Variants in METAP1 observed in about 807,000 individuals in gnomAD.
METAP1 encodes the protein methionyl aminopeptidase 1.
A neutral mutation model predicts 53.8 loss-of-function variants in METAP1; 28 were observed. The ratio of observed to expected loss-of-function variants is 0.52; its 90% CI spans 0.39 to 0.71. METAP1 has a LOEUF of 0.71. Among genes scored for constraint, METAP1 ranks in the 30% least tolerant of loss-of-function variants. The pLI is 0.00. For synonymous variants in METAP1, 181 were observed against 165.7 expected (o/e 1.09, Z -0.71); for missense variants, 389 against 479.8 (o/e 0.81, Z 1.77).
chr4:99,023,163 C>A, intron 1 of METAP1: 1 of 656,618 alleles, frequency 1.5e-6, no homozygotes, highest in South Asian at 1.9e-5. Flanking sequence ...GACCTAATTT[C>A]ATTACTTCTA....
At chr4:99,002,481 T>G (rs972607377) in intron 1 of METAP1, among the ~76,000 whole-genome samples, 1 of 152,192 alleles carries the variant, frequency 6.6e-6, no homozygotes, top group Non-Finnish European at 1.5e-5. Flanking sequence ...GCTCAACAAT[T>G]ATAAGTCTTT....
chr4:99,016,258 A>G (rs895743379), intron 1 of METAP1, among the ~76,000 whole-genome samples: 2 of 152,236 alleles, frequency 1.3e-5, no homozygotes, highest in African/African-American at 2.4e-5. Flanking sequence ...AAGGCAATCC[A>G]TATAACATTT....
At chr4:99,054,232 A>G (rs1726933682) in intron 9 of METAP1, among the ~76,000 whole-genome samples, 1 of 152,168 alleles carries the variant, frequency 6.6e-6, no homozygotes, top group African/African-American at 2.4e-5. Context: ...TTCATCAATT[A>G]TCTTAGCTAT....
intron 4 of METAP1, 144 bp downstream of exon 4, chr4:99,035,604 A>G (rs1458107374): frequency 3.3e-6 from 2 of 603,942 alleles, no homozygotes; most frequent in African/African-American, 3.7e-5. Flanking sequence ...AACATTGAAG[A>G]GAATTAAAGA....
intron 1 of METAP1, among the ~76,000 whole-genome samples, chr4:98,998,896 C>T (rs1043467768): frequency 6.6e-5 from 10 of 151,910 alleles, no homozygotes; most frequent in Non-Finnish European, 1.2e-4. Context: ...CCGCAACCTC[C>T]GCCTCCCAGG....
At chr4:99,056,030 A>G (rs1727092069) in intron 9 of METAP1, among the ~76,000 whole-genome samples, 1 of 152,226 alleles carries the variant, frequency 6.6e-6, no homozygotes, top group Non-Finnish European at 1.5e-5. Flanking sequence ...TACCTAAGAT[A>G]GTGGAAAGCA....
intron 3 of METAP1, among the ~76,000 whole-genome samples, chr4:99,035,102 A>G (rs1324226488): frequency 6.6e-6 from 1 of 152,202 alleles, no homozygotes; most frequent in Non-Finnish European, 1.5e-5. Flanking sequence ...ACTTTGAGAC[A>G]TCATTTTATT....
chr4:98,995,925 C>T (rs1427553410), intron 1 of METAP1, 58 bp downstream of exon 1: 33 of 1,357,094 alleles, frequency 2.4e-5, no homozygotes, highest in Non-Finnish European at 3.4e-5. Flanking sequence ...CTCGCTTCTC[C>T]CCTGCTGGCT....
chr4:99,039,425 T>C lies in METAP1; in HGVS notation c.392T>C (p.Leu131Pro), dbSNP rs765804889. ...ALKGTSQIKL[L>P]SSEDIEGMRL... ...AAAGGTACTTCTCAGATTAAATTACTCTCATCTGAAGATATAGAAGGGATG... is the reference window on the plus strand; with the variant it reads ...AAAGGTACTTCTCAGATTAAATTACCCTCATCTGAAGATATAGAAGGGATG... Residue 131 changes from leucine (L) to proline (P), a missense_variant, in exon 5 of 11, where the codon CTC becomes CCC. By Grantham distance (98) the Leu-to-Pro change is moderately conservative. Transcript: ENST00000296411. The C allele has an allele frequency of 1.9e-6, 3 of 1,611,356 alleles. No individual in the cohort carries two copies. The South Asian group carries it at 3.3e-5, about 18-fold the overall frequency.
chr4:99,036,367 T>C (rs943046652), intron 4 of METAP1, among the ~76,000 whole-genome samples: 2 of 152,118 alleles, frequency 1.3e-5, no homozygotes, highest in Non-Finnish European at 2.9e-5. Flanking sequence ...TGAGGATGTA[T>C]AATTTCATTA....
chr4:99,025,277 A>G, intron 1 of METAP1: 2 of 744,954 alleles, frequency 2.7e-6, no homozygotes, highest in Non-Finnish European at 3.3e-6. Flanking sequence ...GGAATGAACA[A>G]GGACAGCTTG....
chr4:99,014,149 G>A (rs1723625028), intron 1 of METAP1, among the ~76,000 whole-genome samples: 1 of 152,220 alleles, frequency 6.6e-6, no homozygotes, highest in Non-Finnish European at 1.5e-5. Context: ...TAGAGGAAGT[G>A]AGGATTGAGG....
chr4:99,026,369 C>T lies in METAP1; in HGVS notation c.115-2498C>T, dbSNP rs544985255. 27 of 985,434 alleles carry T rather than the reference C, an allele frequency of 2.7e-5. 1 individual carries two copies. In the South Asian group the frequency reaches 1.0e-3, roughly 38 times the overall value. 61.0% of individuals were successfully genotyped at this position (985,434 alleles called of 1,614,324 possible). A position where few individuals can be genotyped will look rare whatever the true frequency, so the allele number is the denominator to read the frequency against. On this transcript the variant is annotated intron_variant, in intron 1 of 10. Transcript: ENST00000296411. Reference sequence around the variant, plus strand: ...CTGTTCAGCGAGTATTGAATAAGTACATGTGACATGTTAAGCTTGTGTGTG... The same window carrying T: ...CTGTTCAGCGAGTATTGAATAAGTATATGTGACATGTTAAGCTTGTGTGTG...
chr4:99,003,284 A>G (rs1723006593), intron 1 of METAP1, among the ~76,000 whole-genome samples: 1 of 152,236 alleles, frequency 6.6e-6, no homozygotes, highest in Non-Finnish European at 1.5e-5. Flanking sequence ...ATGTGTGTTT[A>G]ATGATTCTTC....
chr4:99,053,645 T>C (rs574976527), intron 9 of METAP1, among the ~76,000 whole-genome samples: 2 of 152,354 alleles, frequency 1.3e-5, no homozygotes, highest in South Asian at 4.1e-4. Context: ...AATCACTATC[T>C]ACGGCAGCCT....
intron 1 of METAP1, among the ~76,000 whole-genome samples, chr4:99,008,488 T>C (rs1723293160): frequency 6.6e-6 from 1 of 152,220 alleles, no homozygotes; most frequent in Admixed American, 6.5e-5. Context: ...GTGAAAACTA[T>C]CATAATTCTA....
intron 1 of METAP1, among the ~76,000 whole-genome samples, chr4:98,996,180 C>G (rs1045442348): frequency 6.6e-6 from 1 of 152,122 alleles, no homozygotes; most frequent in African/African-American, 2.4e-5. Context: ...GCCGGTTCCC[C>G]GCGCTGGGGC....
chr4:99,023,788 A>G, intron 1 of METAP1: 2 of 984,908 alleles, frequency 2.0e-6, no homozygotes, highest in Non-Finnish European at 2.4e-6. Flanking sequence ...ATAGATACTA[A>G]AGTAGTGTAA....
chr4:99,050,194 A>G (rs1176467303), intron 9 of METAP1, among the ~76,000 whole-genome samples: 1 of 152,174 alleles, frequency 6.6e-6, no homozygotes, highest in African/African-American at 2.4e-5. Context: ...AAATAGAGAA[A>G]AACAGAGAAA....
Sources: allele counts gnomAD v4.1 joint callset (sites outside exome capture counted in the v4.1 genomes callset), GRCh38; gene constraint gnomAD v4.1.1; transcripts MANE v1.5; gene names NCBI Gene and HGNC (gene_info 2026-07-23, HGNC 2026-07-21).